OR9G4: variants seen among roughly 807,000 people sequenced by gnomAD.
OR9G4 encodes olfactory receptor 9G4.
A neutral mutation model predicts 16.7 loss-of-function variants in OR9G4; 19 were observed. That is an observed-to-expected ratio of 1.14 (90% confidence interval 0.79 to 1.67). The LOEUF is 1.67. Among genes scored for constraint, OR9G4 ranks in the 40% most tolerant of loss-of-function variants. The probability of loss-of-function intolerance (pLI) is 0.00; values close to 1 mark genes in which losing one functional copy is unlikely to be tolerated. For synonymous variants in OR9G4, 182 were observed against 146.2 expected (o/e 1.24, Z -1.76); for missense variants, 428 against 370.4 (o/e 1.16, Z -1.28).
rs1858317300 is a variant in OR9G4 at position 56,742,489 on chromosome 11, A to G, written c.*339T>C. 5.0e-6 allele frequency: 1 copy of G among 198,746 alleles called. No homozygotes were observed. The highest frequency in any genetic ancestry group is 2.3e-5 in the African/African-American group (1 of 42,834). The allele number at this position is 198,746 out of a possible 1,614,324, so 12.3% of individuals were successfully genotyped here. On this transcript the variant is annotated 3_prime_UTR_variant, in exon 2 of 2. Coordinates refer to ENST00000641668, the MANE Select transcript of OR9G4 (RefSeq NM_001005284.2). ...GTCACCTAGTAAAGATTGCTTACCA[A>G]ACTTCAAAGTCAAACTATATTCATT...
chr11:56,745,765 C>T (rs1024935284), intron 1 of OR9G4, among the ~76,000 whole-genome samples: 3 of 136,384 alleles, frequency 2.2e-5, no homozygotes, highest in African/African-American at 7.9e-5. Flanking sequence ...GAGAGATACG[C>T]TGTCTCAAAA....
At chr11:56,746,279 C>T (rs1023006350) in intron 1 of OR9G4, among the ~76,000 whole-genome samples, 3 of 105,688 alleles carry the variant, frequency 2.8e-5, no homozygotes, top group Admixed American at 1.5e-4. Context: ...GGCGACAGAG[C>T]GAGACTCCGT....
At position 56,743,196 on chromosome 11, in the gene OR9G4, T is replaced by C. The variant is rs577576; in HGVS notation, c.571A>G (p.Asn191Asp). The change falls in exon 2 of 2, where the codon AAC (asparagine) becomes GAC (aspartate). Residue 191 changes from asparagine (N) to aspartate (D), a missense_variant. Transcript: ENST00000641668. ...AGGACTTTTTCGTAGACCCTGGTGT[T>C]TGTACAGGACATTTTTACCAATGGT... The part of the protein sequence containing the change: ...APPLVKMSCT[N>D]TRVYEKVLLG... 1 allele frequency: 1,611,528 copies of C among 1,614,168 alleles called. 804,479 individuals are homozygous for C. Among genetic ancestry groups the C allele is most frequent in the East Asian group, 1 (44,882 of 44,882 alleles).
Position 56,743,314 on chromosome 11 carries a change from T to C in OR9G4, c.453A>G (p.Gly151=). 1 of 1,614,160 alleles carries C rather than the reference T, an allele frequency of 6.2e-7. No individual in the cohort carries two copies. The highest frequency in any genetic ancestry group is 8.5e-7 in the Non-Finnish European group (1 of 1,180,038). The change falls in exon 2 of 2, where the codon GGA becomes GGG. Residue 151 remains glycine (G), a synonymous_variant. Coordinates refer to ENST00000641668, the MANE Select transcript of OR9G4 (RefSeq NM_001005284.2). ...TATGGGCTATGGCATTCAAAAATCC[T>C]CCTATGTAGGAGCCAGCAACAAGCC... The part of the protein sequence containing the change: ...CTGLVAGSYI[G]GFLNAIAHTA...
rs1858319612 is a variant in OR9G4 at position 56,742,671 on chromosome 11, A to G, written c.*157T>C. 3 of 659,204 alleles carry G rather than the reference A, an allele frequency of 4.6e-6. No homozygotes were observed. Among genetic ancestry groups the G allele is most frequent in the African/African-American group, 3.6e-5 (2 of 54,996 alleles). The allele number at this position is 659,204 out of a possible 1,614,324, so 40.8% of individuals were successfully genotyped here. A position where few individuals can be genotyped will look rare whatever the true frequency, so the allele number is the denominator to read the frequency against. On this transcript the variant is annotated 3_prime_UTR_variant, in exon 2 of 2. Coordinates refer to ENST00000641668, the MANE Select transcript of OR9G4 (RefSeq NM_001005284.2). ...TTAAATATTACTTTGTTTTGTTTAC[A>G]TCATAACAAACGAATAACAAGGAGT...
In OR9G4 at chr11:56,743,422, C is replaced by T. The variant is rs755036060; in HGVS notation, c.345G>A (p.Leu115=). The T allele has an allele frequency of 2.5e-6, 4 of 1,613,944 alleles. No individual in the cohort carries two copies. Residue 115 remains leucine (L), a synonymous_variant, in exon 2 of 2, where the codon CTG becomes CTA. Coordinates refer to ENST00000641668, the MANE Select transcript of OR9G4 (RefSeq NM_001005284.2). ...CVVAYTECYL[L]AAMAYDRHAA... ...CATGGCGGTCATATGCCATGGCTGC[C>T]AGGAGATAGCATTCAGTGTAGGCTA...
intron 1 of OR9G4, among the ~76,000 whole-genome samples, chr11:56,745,754 A>G (rs1013507461): frequency 6.7e-6 from 1 of 150,002 alleles, no homozygotes; most frequent in African/African-American, 2.4e-5. Context: ...CAAGGGTGAC[A>G]GAGAGATACG....
Position 56,741,558 on chromosome 11 carries a change from G to C in OR9G4, c.*1270C>G, listed in dbSNP as rs912400867. The C allele has an allele frequency of 1.3e-5, 2 of 152,200 alleles. No individual in the cohort carries two copies. The highest frequency in any genetic ancestry group is 4.8e-5 in the African/African-American group (2 of 41,418). The allele number at this position is 152,200 out of a possible 1,614,324, so 9.4% of individuals were successfully genotyped here. On this transcript the variant is annotated 3_prime_UTR_variant, in exon 2 of 2. Coordinates refer to ENST00000641668, the MANE Select transcript of OR9G4 (RefSeq NM_001005284.2). ...TCCTTTGTGATAGAGGAATAAGAAT[G>C]TTAAGATTATTTTGATGGAAAGAGG...
rs926986695 is a variant in OR9G4 at position 56,742,919 on chromosome 11, G to A, written c.848C>T (p.Pro283Leu). The change falls in exon 2 of 2, where the codon CCA (proline) becomes CTA (leucine). Residue 283 changes from proline (P) to leucine (L), a missense_variant. Transcript: ENST00000641668. ...VAALFYTVIN[P>L]LLNPLIYSLR... is the part of the protein sequence containing the mutation. ...GCTATAGATGAGAGGGTTGAGCAGTGGGTTGATCACGGTGTAGAACAGAGC... is the reference window on the plus strand; with the variant it reads ...GCTATAGATGAGAGGGTTGAGCAGTAGGTTGATCACGGTGTAGAACAGAGC... The A allele has an allele frequency of 3.7e-6, 6 of 1,613,964 alleles. No homozygotes were observed. Among genetic ancestry groups the A allele is most frequent in the African/African-American group, 2.7e-5 (2 of 74,908 alleles).
At chr11:56,746,926 C>A (rs1296639990) in intron 1 of OR9G4, among the ~76,000 whole-genome samples, 1 of 152,122 alleles carries the variant, frequency 6.6e-6, no homozygotes, top group African/African-American at 2.4e-5. Context: ...CTCATCTACA[C>A]CCTTGTTCCC....
chr11:56,742,693 G>A lies in OR9G4; in HGVS notation c.*135C>T, dbSNP rs1180359590. ...TACATCATAACAAACGAATAACAAG[G>A]AGTCATGTGGTCAATATTTTAATGT... is the stretch of plus-strand genomic sequence containing the variant. On this transcript the variant is annotated 3_prime_UTR_variant, in exon 2 of 2. Coordinates refer to ENST00000641668, the MANE Select transcript of OR9G4 (RefSeq NM_001005284.2). 1 of 714,190 alleles carries A rather than the reference G, an allele frequency of 1.4e-6. No individual in the cohort carries two copies. The highest frequency in any genetic ancestry group is 2.3e-6 in the Non-Finnish European group (1 of 427,732). 44.2% of individuals were successfully genotyped at this position (714,190 alleles called of 1,614,324 possible).
chr11:56,743,843 A>G (rs1284842221), intron 1 of OR9G4, 55 bp from the exon 2 acceptor site: 24 of 1,566,080 alleles, frequency 1.5e-5, no homozygotes, highest in Non-Finnish European at 2.1e-5. Context: ...ACACAAGTTG[A>G]CAAGGGTATC....
intron 1 of OR9G4, among the ~76,000 whole-genome samples, chr11:56,747,599 C>G (rs1858438091): frequency 6.6e-6 from 1 of 152,170 alleles, no homozygotes; most frequent in Non-Finnish European, 1.5e-5. Flanking sequence ...AATTAGCACT[C>G]AGTAAATATT....
In OR9G4 at chr11:56,743,143, G is replaced by C; in HGVS notation, c.624C>G (p.Leu208=). The change falls in exon 2 of 2, where the codon CTC becomes CTG. Residue 208 remains leucine, a synonymous_variant. Transcript: ENST00000641668. Reference sequence around the variant, plus strand: ...AAATCAGGATAGCAAGAATGCTGGAGAGTACTGTGAAGCCCACCACACCAA... The same window carrying C: ...AAATCAGGATAGCAAGAATGCTGGACAGTACTGTGAAGCCCACCACACCAA... ...VLLGVVGFTV[L]SSILAILISY... 3 of 1,614,014 alleles carry C rather than the reference G, an allele frequency of 1.9e-6. No homozygotes were observed. The highest frequency in any genetic ancestry group is 2.5e-6 in the Non-Finnish European group (3 of 1,179,886).
At chr11:56,744,876 C>T (rs1403289056) in intron 1 of OR9G4, among the ~76,000 whole-genome samples, 4 of 152,194 alleles carry the variant, frequency 2.6e-5, no homozygotes, top group Non-Finnish European at 5.9e-5. Context: ...GCGCTAAGAG[C>T]TACCCACAGA....
chr11:56,747,253 T>G (rs1346819269), intron 1 of OR9G4, among the ~76,000 whole-genome samples: 2 of 151,814 alleles, frequency 1.3e-5, no homozygotes, highest in Non-Finnish European at 2.9e-5. Context: ...GTCTGTTCCC[T>G]CTGCCTGGAA....
At chr11:56,743,834 C>G in intron 1 of OR9G4, 46 bp from the exon 2 acceptor site, 1 of 1,581,542 alleles carries the variant, frequency 6.3e-7, no homozygotes, top group Non-Finnish European at 8.6e-7. Context: ...TTTCTATTCA[C>G]ACAAGTTGAC....
Position 56,743,420 on chromosome 11 carries a change from G to T in OR9G4, c.347C>A (p.Ala116Glu), listed in dbSNP as rs763404026. The T allele has an allele frequency of 9.9e-6, 16 of 1,613,978 alleles. No individual in the cohort carries two copies. Among genetic ancestry groups the T allele is most frequent in the African/African-American group, 1.3e-5 (1 of 74,890 alleles). Residue 116 changes from alanine to glutamate, a missense_variant, in exon 2 of 2, where the codon GCA becomes GAA. Transcript: ENST00000641668. The stretch of plus-strand genomic sequence containing the variant: ...TGCATGGCGGTCATATGCCATGGCT[G>T]CCAGGAGATAGCATTCAGTGTAGGC... Reference protein sequence around the residue: ...VVAYTECYLLAAMAYDRHAAI... With the variant: ...VVAYTECYLLEAMAYDRHAAI...
In OR9G4 at chr11:56,743,449, A is replaced by C. The variant is rs148438744; in HGVS notation, c.318T>G (p.Val106=). 1.2e-6 allele frequency: 2 copies of C among 1,614,006 alleles called. No individual in the cohort carries two copies. The highest frequency in any genetic ancestry group is 2.7e-5 in the African/African-American group (2 of 74,906). The change falls in exon 2 of 2, where the codon GTT becomes GTG. Residue 106 remains valine (V), a synonymous_variant. Coordinates refer to ENST00000641668, the MANE Select transcript of OR9G4 (RefSeq NM_001005284.2). ...GGAGATAGCATTCAGTGTAGGCTACAACACAGGAAAAAAACAGCTGAGCCC... is the reference window on the plus strand; with the variant it reads ...GGAGATAGCATTCAGTGTAGGCTACCACACAGGAAAAAAACAGCTGAGCCC... ...GCGAQLFFSC[V]VAYTECYLLA...
Sources: gnomAD v4.1 joint callset for allele counts (sites outside exome capture counted in the v4.1 genomes callset) on GRCh38, gnomAD v4.1.1 for gene constraint, MANE v1.5 for transcripts, NCBI Gene and HGNC (gene_info 2026-07-23, HGNC 2026-07-21) for gene names.